Variants in KIAA0825 observed in about 807,000 individuals in gnomAD.
KIAA0825 encodes the protein KIAA0825.
In KIAA0825, 119 loss-of-function variants were observed where a neutral mutation model predicts 147.6. The ratio of observed to expected loss-of-function variants is 0.81; its 90% confidence interval spans 0.69 to 0.94. The LOEUF is 0.94. KIAA0825 is among the 40% of genes least tolerant of loss of function. KIAA0825 has a pLI of 0.00. For synonymous variants in KIAA0825, 470 were observed against 518.1 expected, an observed-to-expected ratio of 0.91 and a Z score of 1.26; for missense variants, 1,381 against 1,472.7, an observed-to-expected ratio of 0.94 and a Z score of 1.02.
rs1307428048 is a variant in KIAA0825 at position 94,417,382 on chromosome 5, T to C, written c.2498-17A>G. 1.3e-6 allele frequency: 2 copies of C among 1,533,354 alleles called. No individual in the cohort carries two copies. The highest frequency in any genetic ancestry group is 1.8e-6 in the Non-Finnish European group (2 of 1,133,580). The allele number at this position is 1,533,354 out of a possible 1,614,324, so 95.0% of individuals were successfully genotyped here. A position where few individuals can be genotyped will look rare whatever the true frequency, so the allele number is the denominator to read the frequency against. On this transcript the variant is annotated splice_polypyrimidine_tract_variant and intron_variant, in intron 14 of 20. Transcript: ENST00000682413. Reference sequence around the variant, plus strand: ...AAACTTGTTCTTGAAAGGTACGTTCTTGAAAGGAATCAAAATGATTTAGTA... The same window carrying C: ...AAACTTGTTCTTGAAAGGTACGTTCCTGAAAGGAATCAAAATGATTTAGTA...
chr5:94,433,753 A>G (rs569876179), intron 14 of KIAA0825, among the ~76,000 whole-genome samples: 1 of 152,362 alleles, frequency 6.6e-6, no homozygotes. Flanking sequence ...TGTCTGGAAC[A>G]TGTTAAATAG....
chr5:94,381,441 A>T (rs1748403026), intron 20 of KIAA0825, among the ~76,000 whole-genome samples: 1 of 152,236 alleles, frequency 6.6e-6, no homozygotes, highest in African/African-American at 2.4e-5. Flanking sequence ...TATTACATTG[A>T]ATCCACACAA....
At chr5:94,408,048 C>A (rs1448576820) in intron 15 of KIAA0825, among the ~76,000 whole-genome samples, 1 of 152,112 alleles carries the variant, frequency 6.6e-6, no homozygotes, top group Non-Finnish European at 1.5e-5. Flanking sequence ...ACAAAAGTAT[C>A]CACAAATAAT....
chr5:94,231,360 C>A (rs1047199984), intron 20 of KIAA0825, among the ~76,000 whole-genome samples: 1 of 152,050 alleles, frequency 6.6e-6, no homozygotes, highest in Admixed American at 6.6e-5. Context: ...TACATAATAA[C>A]CTTTTTGTGT....
intron 20 of KIAA0825, among the ~76,000 whole-genome samples, chr5:94,370,669 G>A (rs1038168665): frequency 6.6e-6 from 1 of 152,092 alleles, no homozygotes; most frequent in Non-Finnish European, 1.5e-5. Context: ...CACTTTGGGA[G>A]GCCGAGGCGG....
chr5:94,437,979 C>T (rs926552717), intron 14 of KIAA0825, among the ~76,000 whole-genome samples: 2 of 152,118 alleles, frequency 1.3e-5, no homozygotes, highest in African/African-American at 4.8e-5. Flanking sequence ...AGGAGGAATA[C>T]AAAAATCTAC....
At chr5:94,550,612 G>A (rs975132418) in intron 2 of KIAA0825, among the ~76,000 whole-genome samples, 1 of 152,172 alleles carries the variant, frequency 6.6e-6, no homozygotes, top group South Asian at 2.1e-4. Context: ...GGAGGCCGAG[G>A]CAGGCGGATC....
At chr5:94,593,631 G>T in intron 1 of KIAA0825, 1 of 471,288 alleles carries the variant, frequency 2.1e-6, no homozygotes, top group Non-Finnish European at 4.0e-6. Flanking sequence ...AGTAAGCCCT[G>T]GTAGTGTTGG....
chr5:94,489,415 T>C (rs1408865746), intron 5 of KIAA0825, among the ~76,000 whole-genome samples: 3 of 152,088 alleles, frequency 2.0e-5, no homozygotes. Context: ...AGTGAGTCTT[T>C]TGTGTGCTAG....
intron 2 of KIAA0825, among the ~76,000 whole-genome samples, chr5:94,565,009 C>CT (rs1778384234): frequency 5.1e-5 from 6 of 116,742 alleles, no homozygotes; most frequent in African/African-American, 2.1e-4. Context: ...TCTCTCTCTC[C>CT]CTCTCTCTCT....
chr5:94,494,205 C>G (rs1487773272), intron 5 of KIAA0825, among the ~76,000 whole-genome samples: 1 of 152,178 alleles, frequency 6.6e-6, no homozygotes, highest in Non-Finnish European at 1.5e-5. Context: ...CTCCCACACT[C>G]CATTCCCTCT....
At chr5:94,188,758 CATGT>C in intron 20 of KIAA0825, among the ~76,000 whole-genome samples, 1 of 152,180 alleles carries the variant, frequency 6.6e-6, no homozygotes, top group East Asian at 1.9e-4. Context: ...TTTGCATGGA[CATGT>C]ATTTTTACTT....
intron 18 of KIAA0825, among the ~76,000 whole-genome samples, chr5:94,387,933 AT>A (rs1269522837): frequency 1.3e-5 from 2 of 152,180 alleles, no homozygotes; most frequent in African/African-American, 4.8e-5. Context: ...CAAATTTTAT[AT>A]TATAAAACCC....
At chr5:94,605,528 C>T (rs1337100376) in intron 1 of KIAA0825, among the ~76,000 whole-genome samples, 1 of 152,118 alleles carries the variant, frequency 6.6e-6, no homozygotes, top group African/African-American at 2.4e-5. Context: ...AAAATACTTG[C>T]AAACTGAATC....
At chr5:94,291,576 G>C (rs905866625) in intron 20 of KIAA0825, among the ~76,000 whole-genome samples, 1 of 152,130 alleles carries the variant, frequency 6.6e-6, no homozygotes, top group East Asian at 1.9e-4. Context: ...TTTTTGCTTA[G>C]GATTGTCTTG....
At chr5:94,603,585 A>G (rs1267035696) in intron 1 of KIAA0825, among the ~76,000 whole-genome samples, 2 of 152,208 alleles carry the variant, frequency 1.3e-5, no homozygotes, top group Non-Finnish European at 2.9e-5. Flanking sequence ...TATCAACCTT[A>G]AATGTAAATG....
At chr5:94,564,214 GTT>G (rs545943328) in intron 2 of KIAA0825, among the ~76,000 whole-genome samples, 13 of 105,158 alleles carry the variant, frequency 1.2e-4, no homozygotes, top group East Asian at 2.7e-4. Context: ...TATTCCCCTT[GTT>G]TTTTTTTTTT....
rs187542683 is a variant in KIAA0825 at position 94,323,622 on chromosome 5, G to A, written c.3710+60746C>T. On this transcript the variant is annotated intron_variant, in intron 20 of 20. Transcript: ENST00000682413. ...AAGAATGGCAATGGCAAGACACTCC[G>A]TTTAAACAGAAACTTTAATTGCTTT... is the stretch of plus-strand genomic sequence containing the variant. 1.7e-3 allele frequency among the ~76,000 whole-genome samples: 261 copies of A among 151,306 alleles called. 1 individual carries two copies. Among genetic ancestry groups the A allele is most frequent in the African/African-American group, 4.8e-3 (197 of 41,296 alleles).
intron 5 of KIAA0825, among the ~76,000 whole-genome samples, chr5:94,497,780 A>G (rs1223688130): frequency 6.6e-6 from 1 of 152,068 alleles, no homozygotes; most frequent in Non-Finnish European, 1.5e-5. Flanking sequence ...GCCCACTCCC[A>G]CTGTTTATGA....
Sources: allele counts gnomAD v4.1 joint callset (sites outside exome capture counted in the v4.1 genomes callset), GRCh38; gene constraint gnomAD v4.1.1; transcripts MANE v1.5; gene names NCBI Gene and HGNC (gene_info 2026-07-23, HGNC 2026-07-21).